Variants in MLLT1 observed in about 807,000 individuals in gnomAD.
MLLT1 encodes the protein protein ENL.
MLLT1 carries 11 observed loss-of-function variants against 55.1 expected under a neutral mutation model. The ratio of observed to expected loss-of-function variants is 0.20; its 90% CI spans 0.13 to 0.33. MLLT1 has a LOEUF of 0.33. Ranked by LOEUF, MLLT1 falls within the 10% of genes least tolerant of loss-of-function variation. The probability of loss-of-function intolerance (pLI) is 1.00; values close to 1 mark genes in which losing one functional copy is unlikely to be tolerated. For missense variants in MLLT1, 536 were observed against 760.6 expected, an observed-to-expected ratio of 0.70 and a Z score of 3.47; for synonymous variants, 323 against 320.1, an observed-to-expected ratio of 1.01 and a Z score of -0.10.
chr19:6,267,605 G>A (rs2091359124), intron 2 of MLLT1, among the ~76,000 whole-genome samples: 1 of 152,112 alleles, frequency 6.6e-6, no homozygotes, highest in South Asian at 2.1e-4. Flanking sequence ...ACCTGACTTT[G>A]AGCCTTCTCT....
chr19:6,232,558 A>T (rs966097152), intron 3 of MLLT1, among the ~76,000 whole-genome samples: 2 of 152,246 alleles, frequency 1.3e-5, no homozygotes, highest in African/African-American at 4.8e-5. Flanking sequence ...CCAAAAGCAC[A>T]GGCAACTAAG....
chr19:6,270,876 C>A lies in MLLT1; in HGVS notation c.13-117G>T. The A allele has an allele frequency of 1.0e-6, 1 of 971,688 alleles. No homozygotes were observed. Among genetic ancestry groups the A allele is most frequent in the Non-Finnish European group, 1.5e-6 (1 of 674,296 alleles). 60.2% of individuals were successfully genotyped at this position (971,688 alleles called of 1,614,324 possible). ...CCCAGCAGTGCAATACGCTCTCAAC[C>A]CAGTGAGCAGCACACAGACGGCTTC... On this transcript the variant is annotated intron_variant, in intron 1 of 11. Coordinates refer to ENST00000252674, the MANE Select transcript of MLLT1 (RefSeq NM_005934.4). The surrounding 1 kb of genome is among the most constrained non-coding windows in gnomAD (Gnocchi z 7.1).
rs1343434452 is a variant in MLLT1, at chr19:6,262,741, C to T, written c.194-431G>A. 6.6e-6 allele frequency among the ~76,000 whole-genome samples: 1 copy of T among 152,136 alleles called. No homozygotes were observed. Among genetic ancestry groups the T allele is most frequent in the Admixed American group, 6.5e-5 (1 of 15,276 alleles). ...ACTGTCACCACCTCCAGCACGGGGGCTGAGCACCTGCTGCACCACGGACAC... is the reference window on the plus strand; with the variant it reads ...ACTGTCACCACCTCCAGCACGGGGGTTGAGCACCTGCTGCACCACGGACAC... On this transcript the variant is annotated intron_variant, in intron 2 of 11. Coordinates refer to ENST00000252674, the MANE Select transcript of MLLT1 (RefSeq NM_005934.4). This position sits in a 1 kb window ranked among gnomAD's most constrained non-coding sequence, Gnocchi z 4.4.
intron 3 of MLLT1, among the ~76,000 whole-genome samples, chr19:6,232,388 C>T (rs551949509): frequency 1.7e-4 from 26 of 152,280 alleles, no homozygotes; most frequent in African/African-American, 6.3e-4. Context: ...GATACCCACC[C>T]GGGGGAGAAT....
At chr19:6,277,604 C>T (rs2091434254) in intron 1 of MLLT1, among the ~76,000 whole-genome samples, 1 of 152,172 alleles carries the variant, frequency 6.6e-6, no homozygotes. Context: ...CTCCCTCTGT[C>T]GCAGACCAGG....
At chr19:6,233,874 G>A (rs2091035555) in intron 3 of MLLT1, among the ~76,000 whole-genome samples, 1 of 152,198 alleles carries the variant, frequency 6.6e-6, no homozygotes, top group African/African-American at 2.4e-5. Context: ...CCCCTCCTCT[G>A]TGGCCCCTGC....
At chr19:6,253,294 A>G (rs957511347) in intron 3 of MLLT1, among the ~76,000 whole-genome samples, 2 of 137,430 alleles carry the variant, frequency 1.5e-5, no homozygotes, top group African/African-American at 5.6e-5. Flanking sequence ...AAAAAAAAAA[A>G]GAAGTGGAGA....
rs1428644416 is a variant in MLLT1 at position 6,227,253 on chromosome 19, G to A, written c.421-151C>T. The A allele has an allele frequency of 1.3e-6, 1 of 771,960 alleles. No homozygotes were observed. Among genetic ancestry groups the A allele is most frequent in the Non-Finnish European group, 2.0e-6 (1 of 508,606 alleles). 47.8% of individuals were successfully genotyped at this position (771,960 alleles called of 1,614,324 possible). A position where few individuals can be genotyped will look rare whatever the true frequency, so the allele number is the denominator to read the frequency against. On this transcript the variant is annotated intron_variant, in intron 4 of 11. Transcript: ENST00000252674. This position sits in a 1 kb window ranked among gnomAD's most constrained non-coding sequence, Gnocchi z 5.1. ...AAAGAATCCCAGGTGCTTCCCTGCT[G>A]GGGACTGGGTGCTGAGCACGCAGAA...
In MLLT1 at chr19:6,212,380, C is replaced by T; in HGVS notation, c.*662G>A. ...CTCCAGCCCCACACCACCGCAGAGA[C>T]ATCTTAACCTACAAGCCCCACCGTA... On this transcript the variant is annotated 3_prime_UTR_variant, in exon 12 of 12. Transcript: ENST00000252674. 4 of 1,066,120 alleles carry T rather than the reference C, an allele frequency of 3.8e-6. No homozygotes were observed. The highest frequency in any genetic ancestry group is 4.5e-6 in the Non-Finnish European group (4 of 879,718). 66.0% of individuals were successfully genotyped at this position (1,066,120 alleles called of 1,614,324 possible).
chr19:6,228,612 G>A (rs1045639969), intron 4 of MLLT1, among the ~76,000 whole-genome samples: 2 of 152,174 alleles, frequency 1.3e-5, no homozygotes, highest in Non-Finnish European at 2.9e-5. Context: ...AGAAAGCAGC[G>A]CTCGCTGACA....
intron 4 of MLLT1, among the ~76,000 whole-genome samples, chr19:6,228,901 T>C (rs1315422366): frequency 1.3e-5 from 2 of 152,090 alleles, no homozygotes; most frequent in Non-Finnish European, 2.9e-5. Flanking sequence ...TGCTTCAGCC[T>C]GCGCGTCTCT....
At chr19:6,238,934 G>A (rs2091088866) in intron 3 of MLLT1, among the ~76,000 whole-genome samples, 1 of 152,248 alleles carries the variant, frequency 6.6e-6, no homozygotes, top group African/African-American at 2.4e-5. Flanking sequence ...GCTGGGTGTG[G>A]GGCCACAGGC....
In MLLT1 at chr19:6,219,154, G is replaced by A. The variant is rs1244293330; in HGVS notation, c.1111-1113C>T. Among the ~76,000 whole-genome samples, 1 of 152,142 alleles carries A rather than the reference G, an allele frequency of 6.6e-6. No individual in the cohort carries two copies. The highest frequency in any genetic ancestry group is 1.9e-4 in the East Asian group (1 of 5,184). On this transcript the variant is annotated intron_variant, in intron 6 of 11. Transcript: ENST00000252674. This position sits in a 1 kb window ranked among gnomAD's most constrained non-coding sequence, Gnocchi z 4.5. ...ACCCTGCAGAAGGGTCCCCACGAAA[G>A]CCCAAGGCCTCCCCAAGCAGCAGGT... is the stretch of plus-strand genomic sequence containing the variant.
At chr19:6,258,111 T>C (rs1343598105) in intron 3 of MLLT1, among the ~76,000 whole-genome samples, 1 of 152,194 alleles carries the variant, frequency 6.6e-6, no homozygotes, top group Non-Finnish European at 1.5e-5. Context: ...AATTATTGTA[T>C]GAGCCTGCAA....
intron 3 of MLLT1, among the ~76,000 whole-genome samples, chr19:6,252,143 G>A (rs2091221121): frequency 6.6e-6 from 1 of 152,160 alleles, no homozygotes. Flanking sequence ...ATGGCCATCT[G>A]TCTCTAAAGG....
At chr19:6,223,392 G>C (rs1291629644) in intron 5 of MLLT1, among the ~76,000 whole-genome samples, 1 of 152,178 alleles carries the variant, frequency 6.6e-6, no homozygotes, top group Non-Finnish European at 1.5e-5. Context: ...TCTCTGCCTC[G>C]GAAACCCCGG....
At position 6,230,577 on chromosome 19, in the gene MLLT1, G is replaced by A; in HGVS notation, c.413C>T (p.Ala138Val). The change falls in exon 4 of 12, where the codon GCC becomes GTC. Residue 138 changes from alanine (A) to valine (V), a missense_variant. Ala to Val is a moderately conservative substitution (Grantham distance 64). This residue lies in a region of MLLT1 where 62 missense variants were observed against 195.8 expected (regional missense o/e 0.32). Transcript: ENST00000252674. This position sits in a 1 kb window ranked among gnomAD's most constrained non-coding sequence, Gnocchi z 9.0. ...TTEFRYKLLR[A>V]GGVMVMPEGA... ...GGGGCGGGGCACACTCACCCCGCCG[G>A]CCCGCAGGAGCTTGTACCGGAACTC... is the stretch of plus-strand genomic sequence containing the variant. The A allele has an allele frequency of 6.2e-7, 1 of 1,613,150 alleles. No individual in the cohort carries two copies. The highest frequency in any genetic ancestry group is 8.5e-7 in the Non-Finnish European group (1 of 1,179,864).
Position 6,219,017 on chromosome 19 carries a change from C to T in MLLT1, c.1111-976G>A, listed in dbSNP as rs1027459488. ...GGATTCTGGCAGGGGCCGCTGCAGC[C>T]GCCAGCCATGCAAGGGAAGCCGTGA... On this transcript the variant is annotated intron_variant, in intron 6 of 11. Coordinates refer to ENST00000252674, the MANE Select transcript of MLLT1 (RefSeq NM_005934.4). The surrounding 1 kb of genome is among the most constrained non-coding windows in gnomAD (Gnocchi z 4.5). 3.9e-5 allele frequency among the ~76,000 whole-genome samples: 6 copies of T among 152,136 alleles called. No individual in the cohort carries two copies. The highest frequency in any genetic ancestry group is 6.5e-5 in the Admixed American group (1 of 15,282).
intron 3 of MLLT1, among the ~76,000 whole-genome samples, chr19:6,232,924 G>A (rs1007206924): frequency 2.6e-5 from 4 of 152,200 alleles, no homozygotes; most frequent in Non-Finnish European, 5.9e-5. Flanking sequence ...TGGGCGTCCC[G>A]TGAAGGCTTC....
Sources: gnomAD v4.1 joint callset for allele counts (sites outside exome capture counted in the v4.1 genomes callset) on GRCh38, gnomAD v4.1.1 for gene constraint, gnomAD v4.1.1 regional missense constraint, Gnocchi (gnomAD v3.1) non-coding constraint, MANE v1.5 for transcripts, NCBI Gene and HGNC (gene_info 2026-07-23, HGNC 2026-07-21) for gene names.